Variants in BFAR observed in about 807,000 individuals in gnomAD.
The protein encoded by BFAR is RING finger protein 47.
Under a neutral mutation model 54.4 loss-of-function variants are expected in BFAR, and 52 were observed. That is an observed-to-expected ratio of 0.96 (90% CI 0.77 to 1.21). The LOEUF is 1.21. Ranked by LOEUF, BFAR falls within the 50% of genes most tolerant of loss-of-function variation. The probability of loss-of-function intolerance (pLI) is 0.00; values close to 1 mark genes in which losing one functional copy is unlikely to be tolerated. For missense variants in BFAR, 571 were observed against 534.0 expected (o/e 1.07, Z -0.68); for synonymous variants, 215 against 204.3 (o/e 1.05, Z -0.45).
intron 1 of BFAR, among the ~76,000 whole-genome samples, chr16:14,635,882 G>A (rs571618666): frequency 2.1e-4 from 32 of 151,958 alleles, no homozygotes; most frequent in African/African-American, 7.0e-4. Context: ...CACCCGCCTC[G>A]GCCTCCCAAA....
rs569618545 is a variant in BFAR at position 14,639,070 on chromosome 16, C to A, written c.-73-5204C>A. Among the ~76,000 whole-genome samples, 91 of 152,168 alleles carry A rather than the reference C, an allele frequency of 6.0e-4. 1 individual carries two copies. The highest frequency in any genetic ancestry group is 2.0e-3 in the African/African-American group (83 of 41,502). ...TTAATTGGACAGCTAAAGAAGCAAACAGGGTGCCACTGCCTCCTGGAGAAT... is the reference window on the plus strand; with the variant it reads ...TTAATTGGACAGCTAAAGAAGCAAAAAGGGTGCCACTGCCTCCTGGAGAAT... On this transcript the variant is annotated intron_variant, in intron 1 of 7. Coordinates refer to ENST00000261658, the MANE Select transcript of BFAR (RefSeq NM_016561.3).
chr16:14,635,283 C>T (rs375120480), intron 1 of BFAR, among the ~76,000 whole-genome samples: 14 of 152,074 alleles, frequency 9.2e-5, no homozygotes, highest in East Asian at 1.9e-4. Context: ...TGCAGTGAGC[C>T]GAGATTGTGC....
At chr16:14,657,403 C>T (rs1049025922) in intron 5 of BFAR, among the ~76,000 whole-genome samples, 1 of 151,792 alleles carries the variant, frequency 6.6e-6, no homozygotes, top group Non-Finnish European at 1.5e-5. Flanking sequence ...CGCCCACCAC[C>T]GTGCCCGGCT....
intron 1 of BFAR, among the ~76,000 whole-genome samples, chr16:14,635,048 T>C (rs1401114180): frequency 6.6e-6 from 1 of 152,144 alleles, no homozygotes; most frequent in Non-Finnish European, 1.5e-5. Flanking sequence ...AGGAAAAATG[T>C]CCAAGGCCAG....
At chr16:14,634,882 C>G (rs2055713469) in intron 1 of BFAR, among the ~76,000 whole-genome samples, 1 of 152,126 alleles carries the variant, frequency 6.6e-6, no homozygotes, top group African/African-American at 2.4e-5. Context: ...AAAAGTTATG[C>G]TAATGCACAG....
At position 14,641,680 on chromosome 16, in the gene BFAR, G is replaced by A. The variant is rs1745079418; in HGVS notation, c.-73-2594G>A. On this transcript the variant is annotated intron_variant, in intron 1 of 7. Coordinates refer to ENST00000261658, the MANE Select transcript of BFAR (RefSeq NM_016561.3). ...AGTTCAAGACCAACCTGACCAACAT[G>A]GTGAAACCCCCATCTCGACTAAAAA... 2.0e-5 allele frequency among the ~76,000 whole-genome samples: 3 copies of A among 152,156 alleles called. No homozygotes were observed. In the South Asian group the frequency reaches 6.2e-4, roughly 32 times the overall value.
intron 5 of BFAR, among the ~76,000 whole-genome samples, chr16:14,657,902 T>C (rs985051532): frequency 1.3e-5 from 2 of 152,172 alleles, no homozygotes; most frequent in African/African-American, 4.8e-5. Flanking sequence ...AAAAAATTTT[T>C]TTTTGAAATG....
chr16:14,661,463 A>G (rs1037488397), intron 5 of BFAR, among the ~76,000 whole-genome samples: 2 of 114,088 alleles, frequency 1.8e-5, no homozygotes, highest in East Asian at 3.0e-4. Flanking sequence ...GTGCAGTGGT[A>G]TGATCTCGGC....
intron 6 of BFAR, among the ~76,000 whole-genome samples, chr16:14,664,390 C>CA (rs753783830): frequency 0.17 from 10,023 of 57,296 alleles, 664 homozygotes; most frequent in East Asian, 0.25. Flanking sequence ...GACTCCGTCT[C>CA]AAAAAAAAAA....
intron 1 of BFAR, among the ~76,000 whole-genome samples, chr16:14,636,503 T>A (rs566029320): frequency 6.6e-6 from 1 of 152,388 alleles, no homozygotes; most frequent in South Asian, 2.1e-4. Flanking sequence ...TATTGTTGCC[T>A]GCATGTCCCA....
chr16:14,658,742 A>G (rs1370501512), intron 5 of BFAR, among the ~76,000 whole-genome samples: 2 of 151,838 alleles, frequency 1.3e-5, no homozygotes, highest in African/African-American at 2.4e-5. Flanking sequence ...GAAAAAAAAA[A>G]AAGGAAAACC....
Position 14,644,537 on chromosome 16 carries a change from C to T in BFAR, c.191C>T (p.Ser64Phe). Residue 64 changes from serine to phenylalanine, a missense_variant, in exon 2 of 8, where the codon TCT (serine) becomes TTT (phenylalanine). Ser to Phe is a radical substitution (Grantham distance 155). Transcript: ENST00000261658. ...CACTGCCTTGCTTTATGGTGGGCAT[C>T]TTCAAAGAAAACAGAATGTCCAGAA... is the stretch of plus-strand genomic sequence containing the variant. ...CRHCLALWWA[S>F]SKKTECPECR... The T allele has an allele frequency of 6.2e-7, 1 of 1,614,024 alleles. No homozygotes were observed. Among genetic ancestry groups the T allele is most frequent in the Non-Finnish European group, 8.5e-7 (1 of 1,179,984 alleles).
chr16:14,658,599 G>C (rs1304556519), intron 5 of BFAR, among the ~76,000 whole-genome samples: 4 of 152,018 alleles, frequency 2.6e-5, no homozygotes, highest in Non-Finnish European at 5.9e-5. Flanking sequence ...TGGGCGTGGT[G>C]GTGGGCGCCT....
intron 1 of BFAR, among the ~76,000 whole-genome samples, chr16:14,637,553 C>T (rs961783330): frequency 1.3e-5 from 2 of 152,114 alleles, no homozygotes; most frequent in African/African-American, 2.4e-5. Context: ...TAATAATTGT[C>T]GCGGGGTGCA....
At chr16:14,642,443 C>T (rs926069615) in intron 1 of BFAR, among the ~76,000 whole-genome samples, 3 of 152,116 alleles carry the variant, frequency 2.0e-5, no homozygotes, top group Non-Finnish European at 4.4e-5. Flanking sequence ...TGTCATACTA[C>T]TTCTCAATTT....
chr16:14,646,924 C>A (rs927438259), intron 2 of BFAR, among the ~76,000 whole-genome samples: 1 of 152,010 alleles, frequency 6.6e-6, no homozygotes, highest in Non-Finnish European at 1.5e-5. Flanking sequence ...TGCTTTTGTT[C>A]AGATTTTTTT....
intron 4 of BFAR, among the ~76,000 whole-genome samples, chr16:14,654,271 A>C (rs977307718): frequency 4.6e-5 from 7 of 151,960 alleles, no homozygotes; most frequent in African/African-American, 1.7e-4. Flanking sequence ...TCGGCCTCCC[A>C]AAGTGCGAAC....
At chr16:14,658,385 G>T (rs1960188241) in intron 5 of BFAR, among the ~76,000 whole-genome samples, 1 of 151,846 alleles carries the variant, frequency 6.6e-6, no homozygotes, top group Non-Finnish European at 1.5e-5. Context: ...TGTACATGTG[G>T]CTGACAAAGA....
chr16:14,651,631 C>T (rs1567490199), intron 4 of BFAR, among the ~76,000 whole-genome samples: 1 of 152,038 alleles, frequency 6.6e-6, no homozygotes, highest in Non-Finnish European at 1.5e-5. Context: ...AGGCACATGC[C>T]ATCAGGCCCA....
Sources: gnomAD v4.1 joint callset for allele counts (sites outside exome capture counted in the v4.1 genomes callset) on GRCh38, gnomAD v4.1.1 for gene constraint, MANE v1.5 for transcripts, NCBI Gene and HGNC (gene_info 2026-07-23, HGNC 2026-07-21) for gene names.